POLB: variants seen among roughly 807,000 people sequenced by gnomAD.
POLB encodes 5'-dRP lyase.
POLB carries 37 observed loss-of-function variants against 52.7 expected under a neutral mutation model. The ratio of observed to expected loss-of-function variants is 0.70; its 90% CI spans 0.54 to 0.92. The LOEUF is 0.92. Among genes scored for constraint, POLB ranks in the 40% least tolerant of loss-of-function variants. The pLI, the probability that POLB is intolerant of heterozygous loss-of-function variation, is 0.00. For synonymous variants in POLB, 138 were observed against 131.3 expected, an observed-to-expected ratio of 1.05 and a Z score of -0.35; for missense variants, 313 against 400.8, an observed-to-expected ratio of 0.78 and a Z score of 1.87.
At chr8:42,360,011 G>T (rs1290889327) in intron 9 of POLB, among the ~76,000 whole-genome samples, 1 of 151,250 alleles carries the variant, frequency 6.6e-6, no homozygotes, top group Non-Finnish European at 1.5e-5. Flanking sequence ...GCAGTGGTGT[G>T]ATCTCAGCTC....
At chr8:42,371,078 ACG>A (rs1376157602) in intron 13 of POLB, among the ~76,000 whole-genome samples, 1 of 152,156 alleles carries the variant, frequency 6.6e-6, no homozygotes, top group Non-Finnish European at 1.5e-5. Flanking sequence ...CTGATGACTC[ACG>A]AGATGAAGCT....
In POLB at chr8:42,345,004, T is replaced by C. The variant is rs1378229415; in HGVS notation, c.171T>C (p.Ala57=). ...ACCCACACAAAATAAAGAGTGGAGC[T>C]GAAGCTAAGAAATTGGTAAGTTTAG... ...AKYPHKIKSG[A]EAKKLPGVGT... is the part of the protein sequence containing the mutation. Residue 57 remains alanine, a synonymous_variant, in exon 3 of 14, where the codon GCT becomes GCC. Coordinates refer to ENST00000265421, the MANE Select transcript of POLB (RefSeq NM_002690.3). The C allele has an allele frequency of 6.2e-7, 1 of 1,608,090 alleles. No homozygotes were observed.
chr8:42,369,701 A>T lies in POLB; in HGVS notation c.774-148A>T, dbSNP rs1824259130. 3 of 553,142 alleles carry T rather than the reference A, an allele frequency of 5.4e-6. No individual in the cohort carries two copies. The South Asian group carries it at 8.6e-5, about 16-fold the overall frequency. 34.3% of individuals were successfully genotyped at this position (553,142 alleles called of 1,614,324 possible). A position where few individuals can be genotyped will look rare whatever the true frequency, so the allele number is the denominator to read the frequency against. On this transcript the variant is annotated intron_variant, in intron 12 of 13. Transcript: ENST00000265421. ...ATTACAAGGTTGGGGTGATTTGAGC[A>T]GTCTACCTCATGATAGTCTTCTCTT...
chr8:42,342,052 G>A, intron 2 of POLB: 2 of 854,268 alleles, frequency 2.3e-6, no homozygotes, highest in Non-Finnish European at 4.0e-6. Flanking sequence ...TCTGGCCTAT[G>A]TTGTGCTTCT....
intron 11 of POLB, among the ~76,000 whole-genome samples, chr8:42,365,003 C>A (rs1333356311): frequency 6.6e-6 from 1 of 151,996 alleles, no homozygotes; most frequent in East Asian, 1.9e-4. Flanking sequence ...GGGAGAATGG[C>A]TTGAGCCCAG....
chr8:42,357,260 G>GA (rs773902489), intron 8 of POLB, 37 bp downstream of exon 8: 4 of 1,437,068 alleles, frequency 2.8e-6, no homozygotes, highest in Non-Finnish European at 3.9e-6. Flanking sequence ...GATTAGAATT[G>GA]AGAGTGTCAC....
rs148674351 is a variant in POLB at position 42,350,038 on chromosome 8, A to G, written c.293A>G (p.Asn98Ser). The G allele has an allele frequency of 3.8e-5, 61 of 1,609,010 alleles. No individual in the cohort carries two copies. In the African/African-American group the frequency reaches 5.6e-4, roughly 15 times the overall value. ...IRQDDTSSSI[N>S]FLTRVSGIGP... The stretch of plus-strand genomic sequence containing the variant: ...CAGGATGATACGAGTTCATCCATCA[A>G]TTTCCTGACTCGAGTTAGTGGCATT... The change falls in exon 5 of 14, where the codon AAT becomes AGT. Residue 98 changes from asparagine to serine, a missense_variant. Physicochemically the swap from Asn to Ser is conservative, Grantham distance 46. This residue lies in a region of POLB where 246 missense variants were observed against 297.6 expected (regional missense o/e 0.83). Transcript: ENST00000265421.
intron 6 of POLB, among the ~76,000 whole-genome samples, chr8:42,353,174 CT>C (rs1268234381): frequency 1.8e-3 from 244 of 138,318 alleles, no homozygotes; most frequent in Admixed American, 2.3e-3. Flanking sequence ...GCCTTTATTT[CT>C]TTTTTTTTTT....
At chr8:42,363,884 A>G (rs985746344) in intron 11 of POLB, among the ~76,000 whole-genome samples, 2 of 152,134 alleles carry the variant, frequency 1.3e-5, no homozygotes, top group African/African-American at 2.4e-5. Context: ...GATTCTGTAT[A>G]AACACCAACA....
chr8:42,362,589 A>T (rs1053028716), intron 10 of POLB, 23 bp from the exon 11 acceptor site: 4 of 1,408,170 alleles, frequency 2.8e-6, no homozygotes, highest in South Asian at 1.2e-5. Flanking sequence ...TCTTTTTCTT[A>T]TTCCCTAATT....
chr8:42,340,779 TG>T (rs1822153329), intron 2 of POLB, among the ~76,000 whole-genome samples: 1 of 152,236 alleles, frequency 6.6e-6, no homozygotes, highest in African/African-American at 2.4e-5. Flanking sequence ...AGTTCAGAGC[TG>T]ATTGTGCTCC....
At chr8:42,355,062 G>A (rs748274049) in intron 6 of POLB, among the ~76,000 whole-genome samples, 15 of 151,764 alleles carry the variant, frequency 9.9e-5, no homozygotes, top group Non-Finnish European at 1.9e-4. Flanking sequence ...TTTTCGAGAC[G>A]GGGTCTTGCT....
At chr8:42,352,732 T>C (rs1334088169) in intron 6 of POLB, among the ~76,000 whole-genome samples, 164 bp downstream of exon 6, 1 of 152,178 alleles carries the variant, frequency 6.6e-6, no homozygotes, top group Admixed American at 6.5e-5. Flanking sequence ...GTATAGTTTA[T>C]ATTACCATCA....
chr8:42,365,608 G>A (rs1238825994), intron 11 of POLB, among the ~76,000 whole-genome samples: 1 of 152,196 alleles, frequency 6.6e-6, no homozygotes, highest in Admixed American at 6.5e-5. Flanking sequence ...TCTTCCTCAA[G>A]TATCATCCCT....
intron 2 of POLB, among the ~76,000 whole-genome samples, chr8:42,342,806 G>A (rs189063850): frequency 1.4e-4 from 22 of 152,086 alleles, no homozygotes; most frequent in African/African-American, 5.1e-4. Context: ...ACCAACCTGG[G>A]CAACATAGCA....
At position 42,369,778 on chromosome 8, in the gene POLB, T is replaced by A. The variant is rs1232792974; in HGVS notation, c.774-71T>A. On this transcript the variant is annotated intron_variant, in intron 12 of 13. Transcript: ENST00000265421. ...CTTTGGTATTTTGTTCCTTATTGAT[T>A]TTAGGAGTCCTATATTTGCTAAACT... 8.1e-6 allele frequency: 8 copies of A among 990,212 alleles called. No individual in the cohort carries two copies. In the African/African-American group the frequency reaches 1.1e-4, roughly 14 times the overall value. The allele number at this position is 990,212 out of a possible 1,614,324, so 61.3% of individuals were successfully genotyped here. A position where few individuals can be genotyped will look rare whatever the true frequency, so the allele number is the denominator to read the frequency against.
At chr8:42,349,306 G>A in intron 4 of POLB, 1 of 407,374 alleles carries the variant, frequency 2.5e-6, no homozygotes, top group Non-Finnish European at 4.4e-6. Context: ...CCGTAATAGA[G>A]TTGGCTCATC....
intron 6 of POLB, chr8:42,354,629 C>A (rs764995486): frequency 2.4e-6 from 1 of 418,422 alleles, no homozygotes; most frequent in East Asian, 7.2e-5. Context: ...CTGCAACCTC[C>A]GCCACCTGGG....
At chr8:42,347,445 A>T (rs1358309389) in intron 3 of POLB, among the ~76,000 whole-genome samples, 1 of 150,828 alleles carries the variant, frequency 6.6e-6, no homozygotes, top group African/African-American at 2.4e-5. Context: ...AATTCTAGAA[A>T]TTATTCTAGA....
Sources: allele counts gnomAD v4.1 joint callset (sites outside exome capture counted in the v4.1 genomes callset), GRCh38; gene constraint gnomAD v4.1.1; regional missense constraint gnomAD v4.1.1; transcripts MANE v1.5; gene names NCBI Gene and HGNC (gene_info 2026-07-23, HGNC 2026-07-21).